Variants in MAP7 observed in about 807,000 individuals in gnomAD.
The protein encoded by MAP7 is ensconsin.
A neutral mutation model predicts 94.8 loss-of-function variants in MAP7; 52 were observed. The observed-to-expected ratio is 0.55, with a 90% CI of 0.44 to 0.69. The LOEUF (loss-of-function observed/expected upper bound fraction) is 0.69. Among genes scored for constraint, MAP7 ranks in the 30% least tolerant of loss-of-function variants. The pLI is 0.00. For missense variants in MAP7, 940 were observed against 964.6 expected (o/e 0.97, Z 0.34); for synonymous variants, 350 against 357.0 (o/e 0.98, Z 0.22).
chr6:136,520,423 G>A (rs1186107289), intron 1 of MAP7, among the ~76,000 whole-genome samples: 1 of 152,176 alleles, frequency 6.6e-6, no homozygotes, highest in East Asian at 1.9e-4. Context: ...TTCAGAGTCT[G>A]TGAAAGTTAT....
At chr6:136,494,697 GAT>G (rs1316723064) in intron 1 of MAP7, among the ~76,000 whole-genome samples, 1 of 152,068 alleles carries the variant, frequency 6.6e-6, no homozygotes, top group Non-Finnish European at 1.5e-5. Flanking sequence ...GTCTACACGA[GAT>G]GAAAGATTGT....
At chr6:136,407,059 G>A (rs371156322) in intron 3 of MAP7, among the ~76,000 whole-genome samples, 4 of 152,186 alleles carry the variant, frequency 2.6e-5, no homozygotes, top group Non-Finnish European at 5.9e-5. Context: ...GTTACTAAAT[G>A]GGATTATACA....
At chr6:136,457,778 G>A (rs1428438450) in intron 1 of MAP7, among the ~76,000 whole-genome samples, 1 of 151,904 alleles carries the variant, frequency 6.6e-6, no homozygotes, top group East Asian at 1.9e-4. Context: ...AGCTCTCAAT[G>A]AACTAGGAAT....
At chr6:136,414,040 G>C (rs111613897) in intron 2 of MAP7, among the ~76,000 whole-genome samples, 6 of 151,636 alleles carry the variant, frequency 4.0e-5, no homozygotes, top group Admixed American at 1.3e-4. Context: ...ACGAGGTCAG[G>C]AGATCGAGAC....
At chr6:136,492,365 A>T (rs544066884) in intron 1 of MAP7, among the ~76,000 whole-genome samples, 2 of 152,342 alleles carry the variant, frequency 1.3e-5, no homozygotes, top group South Asian at 2.1e-4. Context: ...TTTTGAACTC[A>T]AAGTATATAT....
At chr6:136,367,079 A>G (rs1562319548) in intron 8 of MAP7, among the ~76,000 whole-genome samples, 1 of 152,176 alleles carries the variant, frequency 6.6e-6, no homozygotes, top group Non-Finnish European at 1.5e-5. Flanking sequence ...GCTCTTCCTT[A>G]CCAGGAATAA....
At chr6:136,471,552 T>G (rs1305600084) in intron 1 of MAP7, among the ~76,000 whole-genome samples, 1 of 151,480 alleles carries the variant, frequency 6.6e-6, no homozygotes, top group East Asian at 2.0e-4. Flanking sequence ...AGGAAGTTGC[T>G]GGGGGTTTTT....
At chr6:136,520,409 G>T (rs1190193596) in intron 1 of MAP7, among the ~76,000 whole-genome samples, 1 of 152,168 alleles carries the variant, frequency 6.6e-6, no homozygotes, top group Non-Finnish European at 1.5e-5. Context: ...ATATTATGAA[G>T]ACCTTCAGAG....
intron 1 of MAP7, among the ~76,000 whole-genome samples, chr6:136,529,176 G>A (rs780492982): frequency 1.1e-4 from 16 of 152,128 alleles, no homozygotes; most frequent in Non-Finnish European, 1.5e-4. Flanking sequence ...GAGTGCAGTC[G>A]CAGTCTTGGC....
At chr6:136,447,829 T>A (rs1799806429) in intron 1 of MAP7, among the ~76,000 whole-genome samples, 1 of 152,190 alleles carries the variant, frequency 6.6e-6, no homozygotes, top group Non-Finnish European at 1.5e-5. Context: ...TAAAATACTC[T>A]CTTTTCCCAA....
intron 1 of MAP7, among the ~76,000 whole-genome samples, chr6:136,512,281 C>T (rs1294403794): frequency 6.6e-6 from 1 of 152,344 alleles, no homozygotes; most frequent in Non-Finnish European, 1.5e-5. Context: ...TGGCTTAGCA[C>T]CCATGGACTA....
chr6:136,405,754 T>C (rs1367627107), intron 3 of MAP7, among the ~76,000 whole-genome samples: 2 of 152,208 alleles, frequency 1.3e-5, no homozygotes, highest in African/African-American at 2.4e-5. Context: ...GTGAAAGATC[T>C]AGCTGTCTTG....
chr6:136,368,159 G>A, intron 8 of MAP7, among the ~76,000 whole-genome samples: 1 of 151,730 alleles, frequency 6.6e-6, no homozygotes, highest in African/African-American at 2.4e-5. Context: ...GAATGGTTTG[G>A]AAAAACACTC....
rs1397170912 is a variant in MAP7, at chr6:136,366,425, T to C, written c.891A>G (p.Glu297=). 3 of 1,611,688 alleles carry C rather than the reference T, an allele frequency of 1.9e-6. No homozygotes were observed. The highest frequency in any genetic ancestry group is 2.5e-6 in the Non-Finnish European group (3 of 1,177,782). ...GGAAGAGTACATTTTCTCTCTCTCTTTCTTTTTTATAGCTCTAAGTTCAGA... is the reference window on the plus strand; with the variant it reads ...GGAAGAGTACATTTTCTCTCTCTCTCTCTTTTTTATAGCTCTAAGTTCAGA... ...IIHGTASYKK[E]RERENVLFLT... is the part of the protein sequence containing the mutation. The change falls in exon 9 of 18, where the codon GAA becomes GAG. Residue 297 remains glutamate (E), a synonymous_variant. Transcript: ENST00000354570.
intron 1 of MAP7, among the ~76,000 whole-genome samples, chr6:136,487,435 G>T (rs1159488157): frequency 6.6e-6 from 1 of 152,140 alleles, no homozygotes; most frequent in African/African-American, 2.4e-5. Flanking sequence ...ATATGGCCAG[G>T]TGCAGTGGCT....
intron 16 of MAP7, 144 bp downstream of exon 16, chr6:136,356,548 G>A: frequency 1.6e-6 from 1 of 627,734 alleles, no homozygotes; most frequent in Non-Finnish European, 2.8e-6. Flanking sequence ...CCACTTTCTT[G>A]GAGTACAGAA....
chr6:136,344,975 A>C (rs6905982), intron 17 of MAP7, among the ~76,000 whole-genome samples: 8,168 of 152,292 alleles, frequency 0.054, 485 homozygotes, highest in African/African-American at 0.14. Flanking sequence ...GAATTTGGCC[A>C]GTTCTTTTTG....
intron 1 of MAP7, among the ~76,000 whole-genome samples, chr6:136,458,551 A>G (rs1804118991): frequency 6.6e-6 from 1 of 152,096 alleles, no homozygotes; most frequent in Non-Finnish European, 1.5e-5. Flanking sequence ...TCCCAACAGT[A>G]TGGTAATGGA....
At chr6:136,408,783 A>T (rs1180709718) in intron 3 of MAP7, among the ~76,000 whole-genome samples, 1 of 151,778 alleles carries the variant, frequency 6.6e-6, no homozygotes, top group Non-Finnish European at 1.5e-5. Context: ...TTTTTCTTTT[A>T]AAAAAAATTT....
Sources: allele counts gnomAD v4.1 joint callset (sites outside exome capture counted in the v4.1 genomes callset), GRCh38; gene constraint gnomAD v4.1.1; transcripts MANE v1.5; gene names NCBI Gene and HGNC (gene_info 2026-07-23, HGNC 2026-07-21).